Variants in FHIP1A observed in about 807,000 individuals in gnomAD.
The protein encoded by FHIP1A is FHF complex subunit HOOK interacting protein 1A.
A neutral mutation model predicts 88.6 loss-of-function variants in FHIP1A; 61 were observed. That is an observed-to-expected ratio of 0.69 (90% CI 0.56 to 0.85). The LOEUF is 0.85. Ranked by LOEUF, FHIP1A falls within the 40% of genes least tolerant of loss-of-function variation. FHIP1A has a pLI of 0.00. For synonymous variants in FHIP1A, 478 were observed against 496.0 expected (o/e 0.96, Z 0.48); for missense variants, 1,154 against 1,273.5 (o/e 0.91, Z 1.43).
At chr4:151,429,537 G>T (rs1321516959) in intron 1 of FHIP1A, among the ~76,000 whole-genome samples, 1 of 152,132 alleles carries the variant, frequency 6.6e-6, no homozygotes, top group Non-Finnish European at 1.5e-5. Context: ...CCACATAAAG[G>T]ATGAAAGCAC....
intron 7 of FHIP1A, among the ~76,000 whole-genome samples, chr4:151,593,395 G>T (rs1195262999): frequency 6.6e-6 from 1 of 152,208 alleles, no homozygotes; most frequent in Non-Finnish European, 1.5e-5. Context: ...CTATCCATGA[G>T]CATAGAATGT....
intron 1 of FHIP1A, among the ~76,000 whole-genome samples, chr4:151,453,438 A>C (rs1580583791): frequency 1.3e-5 from 2 of 152,142 alleles, no homozygotes; most frequent in African/African-American, 4.8e-5. Context: ...TCAGTGCCTT[A>C]TTTTGTCATC....
intron 3 of FHIP1A, among the ~76,000 whole-genome samples, chr4:151,551,171 A>G (rs892768353): frequency 6.6e-6 from 1 of 152,180 alleles, no homozygotes; most frequent in African/African-American, 2.4e-5. Context: ...AAAGCTTGAA[A>G]TTTAGTAAAA....
chr4:151,653,356 G>GTCTCTC (rs368574549), intron 11 of FHIP1A, among the ~76,000 whole-genome samples: 2 of 148,854 alleles, frequency 1.3e-5, no homozygotes, highest in East Asian at 3.9e-4. Flanking sequence ...CTGTGTGTGT[G>GTCTCTC]TCTCTCTCTC....
At chr4:151,529,661 C>G (rs962441326) in intron 3 of FHIP1A, among the ~76,000 whole-genome samples, 6 of 152,142 alleles carry the variant, frequency 3.9e-5, no homozygotes, top group Non-Finnish European at 7.3e-5. Context: ...ATAACCTGTG[C>G]CCTTTGTGGG....
intron 1 of FHIP1A, among the ~76,000 whole-genome samples, chr4:151,434,876 G>A (rs1422644301): frequency 6.6e-6 from 1 of 152,002 alleles, no homozygotes; most frequent in African/African-American, 2.4e-5. Flanking sequence ...TGATTCTGTT[G>A]TCTAAGAAAA....
At chr4:151,523,634 T>C (rs1244410537) in intron 3 of FHIP1A, among the ~76,000 whole-genome samples, 2 of 152,208 alleles carry the variant, frequency 1.3e-5, no homozygotes, top group African/African-American at 2.4e-5. Context: ...AAAGCAGATA[T>C]GGTCCTTGCC....
chr4:151,539,585 A>T (rs1732198676), intron 3 of FHIP1A, among the ~76,000 whole-genome samples: 1 of 150,786 alleles, frequency 6.6e-6, no homozygotes, highest in African/African-American at 2.4e-5. Context: ...AAAAAAAAAA[A>T]ATACAGTGGA....
In FHIP1A at chr4:151,650,373, G is replaced by C; in HGVS notation, c.2332G>C (p.Asp778His). 6.4e-7 allele frequency: 1 copy of C among 1,551,726 alleles called. No individual in the cohort carries two copies. Among genetic ancestry groups the C allele is most frequent in the Non-Finnish European group, 8.7e-7 (1 of 1,147,008 alleles). ...GATGGAACAGAATTACCCCACACCT[G>C]ATCCCTTGCTTCTCACTAAGGAGGA... Reference protein sequence around the residue: ...GLMEQNYPTPDPLLLTKEEEG... With the variant: ...GLMEQNYPTPHPLLLTKEEEG... The change falls in exon 11 of 14, where the codon GAT becomes CAT. Residue 778 changes from aspartate (D) to histidine (H), a missense_variant. By Grantham distance (81) the Asp-to-His change is moderately conservative (BLOSUM62 -1). Coordinates refer to ENST00000435205, the MANE Select transcript of FHIP1A (RefSeq NM_001109977.3).
At chr4:151,441,518 G>T (rs1363046260) in intron 1 of FHIP1A, among the ~76,000 whole-genome samples, 2 of 152,116 alleles carry the variant, frequency 1.3e-5, no homozygotes, top group Non-Finnish European at 2.9e-5. Context: ...GGATCTCTGA[G>T]ATCAGAGTCT....
At chr4:151,410,242 A>G (rs756789892) in intron 1 of FHIP1A, among the ~76,000 whole-genome samples, 1 of 152,246 alleles carries the variant, frequency 6.6e-6, no homozygotes, top group Non-Finnish European at 1.5e-5. Context: ...CAGCAGATCT[A>G]GCTTCCACTA....
At chr4:151,550,370 C>G (rs1175287036) in intron 3 of FHIP1A, among the ~76,000 whole-genome samples, 1 of 152,108 alleles carries the variant, frequency 6.6e-6, no homozygotes, top group Non-Finnish European at 1.5e-5. Flanking sequence ...ATCCGCACCT[C>G]CCCCCGAACC....
At chr4:151,658,635 A>T (rs1737339748) in intron 13 of FHIP1A, among the ~76,000 whole-genome samples, 2 of 152,224 alleles carry the variant, frequency 1.3e-5, no homozygotes, top group African/African-American at 4.8e-5. Context: ...GCCAGCGCAG[A>T]TTGAAGAATG....
intron 3 of FHIP1A, among the ~76,000 whole-genome samples, chr4:151,531,095 C>T (rs1027930147): frequency 3.9e-5 from 6 of 151,916 alleles, no homozygotes; most frequent in Non-Finnish European, 8.8e-5. Context: ...TGTTTTAAAG[C>T]ACATTTTGTA....
At chr4:151,529,451 G>A (rs75598152) in intron 3 of FHIP1A, among the ~76,000 whole-genome samples, 257 of 152,312 alleles carry the variant, frequency 1.7e-3, no homozygotes, top group African/African-American at 5.9e-3. Context: ...AATTTGAAAG[G>A]CTGAGCTAAT....
Position 151,577,925 on chromosome 4 carries a change from A to G in FHIP1A, c.581A>G (p.Asn194Ser), listed in dbSNP as rs1385059648. 6.4e-7 allele frequency: 1 copy of G among 1,551,568 alleles called. No homozygotes were observed. The highest frequency in any genetic ancestry group is 1.2e-5 in the South Asian group (1 of 84,026). The change falls in exon 5 of 14, where the codon AAC (asparagine) becomes AGC (serine). Residue 194 changes from asparagine to serine, a missense_variant. Physicochemically the swap from Asn to Ser is conservative, Grantham distance 46. Transcript: ENST00000435205. ...ACTAGTGAAGACCAAGGCGCTGCCA[A>G]CTTCCTCATCTTCTCCCTTCTGATT... is the stretch of plus-strand genomic sequence containing the variant. ...FHTSEDQGAA[N>S]FLIFSLLIPF...
intron 1 of FHIP1A, among the ~76,000 whole-genome samples, chr4:151,437,774 G>A (rs1728255781): frequency 6.6e-6 from 1 of 152,044 alleles, no homozygotes; most frequent in Non-Finnish European, 1.5e-5. Flanking sequence ...ATAATACTGA[G>A]AAAGCCTATT....
chr4:151,571,720 C>T (rs533275195), intron 4 of FHIP1A, among the ~76,000 whole-genome samples: 10 of 152,132 alleles, frequency 6.6e-5, no homozygotes, highest in Non-Finnish European at 5.9e-5. Flanking sequence ...ACAGTTGGGA[C>T]GTATTAGAGA....
chr4:151,567,928 C>T (rs1345561765), intron 4 of FHIP1A, among the ~76,000 whole-genome samples: 1 of 152,148 alleles, frequency 6.6e-6, no homozygotes, highest in Admixed American at 6.6e-5. Context: ...TTTGTTTATT[C>T]GTTTGCGCAT....
Sources: allele counts gnomAD v4.1 joint callset (sites outside exome capture counted in the v4.1 genomes callset), GRCh38; gene constraint gnomAD v4.1.1; transcripts MANE v1.5; gene names NCBI Gene and HGNC (gene_info 2026-07-23, HGNC 2026-07-21).